COL23A1: variants seen among roughly 807,000 people sequenced by gnomAD.
The protein encoded by COL23A1 is collagen alpha-1(XXIII) chain.
A neutral mutation model predicts 99.3 loss-of-function variants in COL23A1; 97 were observed. The observed-to-expected ratio is 0.98, with a 90% confidence interval of 0.83 to 1.16. The LOEUF (loss-of-function observed/expected upper bound fraction) is 1.16, where lower values mean the gene tolerates loss of function less well. COL23A1 is among the 50% of genes most tolerant of loss of function. The pLI is 0.00. For synonymous variants in COL23A1, 320 were observed against 308.2 expected (o/e 1.04, Z -0.40); for missense variants, 762 against 757.4 (o/e 1.01, Z -0.07).
rs1764199613 is a variant in COL23A1, at chr5:178,590,168, G to C, written c.30C>G (p.Gly10=). ...CCGCATTGCCCTTCCCCGCGTCGCC[G>C]CCGCCACCGGCGCGCTCGCCTGGGC... is the stretch of plus-strand genomic sequence containing the variant. The part of the protein sequence containing the change: MGPGERAGG[G]GDAGKGNAAG... The change falls in exon 1 of 29, where the codon GGC becomes GGG. Residue 10 remains glycine, a synonymous_variant. Transcript: ENST00000390654. The surrounding 1 kb of genome is among the most constrained non-coding windows in gnomAD (Gnocchi z 5.7). 2.5e-6 allele frequency: 3 copies of C among 1,220,222 alleles called. No individual in the cohort carries two copies. Among genetic ancestry groups the C allele is most frequent in the Non-Finnish European group, 3.0e-6 (3 of 984,626 alleles). 75.6% of individuals were successfully genotyped at this position (1,220,222 alleles called of 1,614,324 possible).
intron 5 of COL23A1, among the ~76,000 whole-genome samples, chr5:178,277,921 G>A (rs1756682665): frequency 6.6e-6 from 1 of 152,214 alleles, no homozygotes; most frequent in Non-Finnish European, 1.5e-5. Flanking sequence ...GAGGGAGGAT[G>A]GAGGATGGGA....
chr5:178,311,723 G>C (rs10479622), intron 2 of COL23A1, among the ~76,000 whole-genome samples: 1 of 11,738 alleles, frequency 8.5e-5, no homozygotes, highest in Non-Finnish European at 2.9e-4. Context: ...ACTGTTTTTT[G>C]TTTTGTTTTG....
intron 2 of COL23A1, among the ~76,000 whole-genome samples, chr5:178,453,966 G>A (rs539157103): frequency 6.6e-6 from 1 of 152,194 alleles, no homozygotes; most frequent in South Asian, 2.1e-4. Context: ...TGTGGCCAAA[G>A]TTTGTAAGAT....
chr5:178,502,377 C>A (rs539379481), intron 2 of COL23A1, among the ~76,000 whole-genome samples: 1 of 152,170 alleles, frequency 6.6e-6, no homozygotes, highest in Non-Finnish European at 1.5e-5. Context: ...GTGATCTGCC[C>A]GCCTCGGCCT....
chr5:178,290,255 T>C, intron 4 of COL23A1, 107 bp downstream of exon 4: 1 of 1,525,072 alleles, frequency 6.6e-7, no homozygotes, highest in South Asian at 1.1e-5. Flanking sequence ...ACTGATGTTT[T>C]CTGAGGACAC....
At chr5:178,325,873 T>C (rs1425988898) in intron 2 of COL23A1, among the ~76,000 whole-genome samples, 2 of 152,254 alleles carry the variant, frequency 1.3e-5, no homozygotes, top group African/African-American at 2.4e-5. Context: ...TTTTTCCCTT[T>C]TTAACTGTCG....
In COL23A1 at chr5:178,277,086, C is replaced by A. The variant is rs78865457; in HGVS notation, c.442-6723G>T. Among the ~76,000 whole-genome samples the A allele has an allele frequency of 5.8e-3, 888 of 152,216 alleles. 10 individuals carry two copies. Among genetic ancestry groups the A allele is most frequent in the African/African-American group, 0.021 (855 of 41,506 alleles). On this transcript the variant is annotated intron_variant, in intron 5 of 28. Coordinates refer to ENST00000390654, the MANE Select transcript of COL23A1 (RefSeq NM_173465.4). ...ATCCGTGCAGTTAAAAGAACCCAGA[C>A]TGGGCATAACGGCTCATGCCCGTAA...
rs1268739646 is a variant in COL23A1 at position 178,310,169 on chromosome 5, T to A, written c.362-3250A>T. Among the ~76,000 whole-genome samples, 1 of 151,704 alleles carries A rather than the reference T, an allele frequency of 6.6e-6. No homozygotes were observed. Reference sequence around the variant, plus strand: ...CGGTGAGGCCCTGGGAGAGGGCGAGTGTGCCGGAGCTGCACTCCCTGCTGA... The same window carrying A: ...CGGTGAGGCCCTGGGAGAGGGCGAGAGTGCCGGAGCTGCACTCCCTGCTGA... On this transcript the variant is annotated intron_variant, in intron 2 of 28. Coordinates refer to ENST00000390654, the MANE Select transcript of COL23A1 (RefSeq NM_173465.4). This position sits in a 1 kb window ranked among gnomAD's most constrained non-coding sequence, Gnocchi z 4.3.
At chr5:178,506,239 T>C (rs1157673653) in intron 2 of COL23A1, among the ~76,000 whole-genome samples, 1 of 152,142 alleles carries the variant, frequency 6.6e-6, no homozygotes, top group Non-Finnish European at 1.5e-5. Flanking sequence ...TGGAGGATAT[T>C]TTCCAGTCCT....
chr5:178,268,669 G>A, intron 7 of COL23A1, 61 bp downstream of exon 7: 1 of 1,564,710 alleles, frequency 6.4e-7, no homozygotes, highest in Non-Finnish European at 8.7e-7. Context: ...GGCGTTCGGA[G>A]GCAGGTTTCT....
intron 5 of COL23A1, among the ~76,000 whole-genome samples, chr5:178,279,217 G>A (rs1233141845): frequency 2.0e-5 from 3 of 152,146 alleles, no homozygotes; most frequent in Non-Finnish European, 2.9e-5. Flanking sequence ...CCTCCTGAGC[G>A]CCTCCTTCCA....
intron 2 of COL23A1, among the ~76,000 whole-genome samples, chr5:178,505,313 G>A (rs1482863639): frequency 1.3e-5 from 2 of 151,504 alleles, no homozygotes; most frequent in African/African-American, 2.4e-5. Context: ...GCAGTGGCAC[G>A]ATCTCAGCTC....
At chr5:178,239,218 T>C in intron 27 of COL23A1, 39 bp from the exon 28 acceptor site, 2 of 1,612,066 alleles carry the variant, frequency 1.2e-6, no homozygotes, top group Non-Finnish European at 1.7e-6. Context: ...GGATGGGGCC[T>C]GGGGAGCTCC....
intron 2 of COL23A1, among the ~76,000 whole-genome samples, chr5:178,339,562 A>T (rs1015744417): frequency 3.9e-5 from 6 of 152,204 alleles, no homozygotes; most frequent in African/African-American, 1.4e-4. Flanking sequence ...TGTGGTGGAG[A>T]GGCATTCTCA....
chr5:178,543,130 G>A (rs565522603), intron 2 of COL23A1, among the ~76,000 whole-genome samples: 6 of 150,210 alleles, frequency 4.0e-5, no homozygotes, highest in Admixed American at 6.6e-5. Flanking sequence ...TTTTTGAGCC[G>A]GAGTTTCGCG....
intron 2 of COL23A1, among the ~76,000 whole-genome samples, chr5:178,495,221 T>C (rs1168564841): frequency 6.6e-6 from 1 of 152,176 alleles, no homozygotes; most frequent in Non-Finnish European, 1.5e-5. Context: ...GGGCTCCCGG[T>C]GTGGCTGAGA....
At chr5:178,397,352 C>T (rs917678429) in intron 2 of COL23A1, among the ~76,000 whole-genome samples, 9 of 152,306 alleles carry the variant, frequency 5.9e-5, no homozygotes, top group Non-Finnish European at 1.2e-4. Context: ...AGGAGTGAGG[C>T]GGGGCAAGGA....
In COL23A1 at chr5:178,589,652, TC is replaced by T. The variant is rs763239557; in HGVS notation, c.294+251del. On this transcript the variant is annotated intron_variant, in intron 1 of 28. Transcript: ENST00000390654. The surrounding 1 kb of genome is among the most constrained non-coding windows in gnomAD (Gnocchi z 5.4). ...TACTCCAAAGTCCCTGGTCTCTCCT[TC>T]CCCTTTCTCGCGGCCGCCTGCCTGG... 2.5e-4 allele frequency among the ~76,000 whole-genome samples: 38 copies of T among 152,172 alleles called. No individual in the cohort carries two copies. Among genetic ancestry groups the T allele is most frequent in the Admixed American group, 3.3e-4 (5 of 15,296 alleles).
intron 1 of COL23A1, among the ~76,000 whole-genome samples, chr5:178,566,684 C>T (rs1042842341): frequency 2.6e-5 from 4 of 152,042 alleles, no homozygotes; most frequent in African/African-American, 9.7e-5. Flanking sequence ...GATATGGTGG[C>T]GTGCACCTGC....
Sources: allele counts gnomAD v4.1 joint callset (sites outside exome capture counted in the v4.1 genomes callset), GRCh38; gene constraint gnomAD v4.1.1; non-coding constraint Gnocchi (gnomAD v3.1); transcripts MANE v1.5; gene names NCBI Gene and HGNC (gene_info 2026-07-23, HGNC 2026-07-21).